The following PLCL1 variants were observed in gnomAD, a reference collection of about 807,000 sequenced individuals.
PLCL1 encodes the protein phospholipase C like 1 (inactive), also known as inactive phospholipase C-like protein 1.
A neutral mutation model predicts 84.4 loss-of-function variants in PLCL1; 41 were observed. The ratio of observed to expected loss-of-function variants is 0.49; its 90% confidence interval spans 0.38 to 0.63. PLCL1 has a LOEUF of 0.63. PLCL1 is among the 30% of genes least tolerant of loss of function. The pLI, the probability that PLCL1 is intolerant of heterozygous loss-of-function variation, is 0.00. For synonymous variants in PLCL1, 490 were observed against 488.3 expected (o/e 1.00, Z -0.05); for missense variants, 1,206 against 1,367.8 (o/e 0.88, Z 1.87).
At chr2:197,961,658 A>T (rs1171712897) in intron 1 of PLCL1, among the ~76,000 whole-genome samples, 2 of 151,892 alleles carry the variant, frequency 1.3e-5, no homozygotes, top group African/African-American at 4.8e-5. Context: ...TTTGGCTCAG[A>T]CAAAATAAGC....
chr2:198,006,639 A>G (rs1291081822), intron 1 of PLCL1, among the ~76,000 whole-genome samples: 10 of 152,194 alleles, frequency 6.6e-5, no homozygotes, highest in Admixed American at 6.5e-4. Context: ...GTGGGTGTAC[A>G]TAATGTGATG....
rs535275880 is a variant in PLCL1 at position 198,033,074 on chromosome 2, T to C, written c.241-50684T>C. 1.3e-4 allele frequency among the ~76,000 whole-genome samples: 20 copies of C among 152,270 alleles called. No individual in the cohort carries two copies. In the South Asian group the frequency reaches 2.7e-3, roughly 21 times the overall value. ...CTCAGCTTCTGAATGAAGTTGAAAA[T>C]GTGTTTTATTGTAGAACAGGTAAAA... is the stretch of plus-strand genomic sequence containing the variant. On this transcript the variant is annotated intron_variant, in intron 1 of 5. Coordinates refer to ENST00000428675, the MANE Select transcript of PLCL1 (RefSeq NM_006226.4).
At chr2:198,028,659 T>C (rs1215910711) in intron 1 of PLCL1, among the ~76,000 whole-genome samples, 1 of 152,186 alleles carries the variant, frequency 6.6e-6, no homozygotes, top group Admixed American at 6.5e-5. Context: ...ACAAACCGTC[T>C]CTACATCACA....
At chr2:197,954,062 ACATAATACTGGGACTGACATCCTAT>A (rs1193453489) in intron 1 of PLCL1, among the ~76,000 whole-genome samples, 1 of 152,124 alleles carries the variant, frequency 6.6e-6, no homozygotes, top group African/African-American at 2.4e-5. Context: ...GTGACTGACT[ACATAATACTGGGACTGACATCCTAT>A]CATTTGGATA....
At position 198,086,014 on chromosome 2, in the gene PLCL1, G is replaced by C; in HGVS notation, c.2497G>C (p.Gly833Arg). Reference protein sequence around the residue: ...YRHVPLRSFVGDIMEHVTLFV... With the variant: ...YRHVPLRSFVRDIMEHVTLFV... The stretch of plus-strand genomic sequence containing the variant: ...GCATGTTCCCCTGCGTTCTTTTGTG[G>C]GTGACATCATGGAGCACGTAACCCT... The change falls in exon 2 of 6, where the codon GGT (glycine) becomes CGT (arginine). Residue 833 changes from glycine (G) to arginine (R), a missense_variant. Coordinates refer to ENST00000428675, the MANE Select transcript of PLCL1 (RefSeq NM_006226.4). 1 of 1,614,002 alleles carries C rather than the reference G, an allele frequency of 6.2e-7. No individual in the cohort carries two copies. The highest frequency in any genetic ancestry group is 8.5e-7 in the Non-Finnish European group (1 of 1,179,970).
chr2:197,856,618 A>G, intron 1 of PLCL1, among the ~76,000 whole-genome samples: 1 of 152,166 alleles, frequency 6.6e-6, no homozygotes, highest in Non-Finnish European at 1.5e-5. Context: ...ATTTTATTAA[A>G]TTTCAACCTG....
chr2:198,123,112 T>A (rs1693907533), intron 5 of PLCL1, among the ~76,000 whole-genome samples: 1 of 152,074 alleles, frequency 6.6e-6, no homozygotes, highest in African/African-American at 2.4e-5. Flanking sequence ...CACTTCATAA[T>A]AACAATTAAA....
intron 1 of PLCL1, among the ~76,000 whole-genome samples, chr2:197,923,060 G>T (rs1415838061): frequency 1.5e-5 from 2 of 133,580 alleles, no homozygotes; most frequent in East Asian, 5.0e-4. Flanking sequence ...CCCAGACGGG[G>T]CGGCTGGCCG....
intron 1 of PLCL1, among the ~76,000 whole-genome samples, chr2:197,957,146 A>AT (rs1559055944): frequency 1.3e-5 from 2 of 151,662 alleles, no homozygotes; most frequent in African/African-American, 2.4e-5. Context: ...AATTCCATAC[A>AT]TTTTTTTCCA....
intron 5 of PLCL1, among the ~76,000 whole-genome samples, chr2:198,136,261 TA>T (rs1176425322): frequency 1.3e-5 from 2 of 152,156 alleles, no homozygotes; most frequent in African/African-American, 4.8e-5. Flanking sequence ...GGCATTGTTC[TA>T]AAGAATTTAG....
At chr2:197,864,797 T>G (rs1328819046) in intron 1 of PLCL1, among the ~76,000 whole-genome samples, 3 of 152,168 alleles carry the variant, frequency 2.0e-5, no homozygotes, top group African/African-American at 7.2e-5. Flanking sequence ...AAAAAAATCT[T>G]ATTTCAACCG....
chr2:197,944,011 C>A (rs1035131610), intron 1 of PLCL1, among the ~76,000 whole-genome samples: 6 of 152,152 alleles, frequency 3.9e-5, no homozygotes, highest in African/African-American at 9.7e-5. Flanking sequence ...TTCCTAAATC[C>A]ATTTTCTCTT....
At chr2:198,120,271 A>C (rs1261058723) in intron 5 of PLCL1, among the ~76,000 whole-genome samples, 2 of 152,060 alleles carry the variant, frequency 1.3e-5, no homozygotes, top group Non-Finnish European at 2.9e-5. Flanking sequence ...TAATCACATC[A>C]TGGAAAATTG....
intron 3 of PLCL1, among the ~76,000 whole-genome samples, chr2:198,089,277 A>G (rs1692962072): frequency 6.6e-6 from 1 of 152,182 alleles, no homozygotes; most frequent in Non-Finnish European, 1.5e-5. Flanking sequence ...ACAGGTTATA[A>G]GTGGAAAACT....
intron 1 of PLCL1, among the ~76,000 whole-genome samples, chr2:197,812,623 A>G (rs890662052): frequency 2.6e-5 from 4 of 152,238 alleles, no homozygotes; most frequent in Admixed American, 1.3e-4. Flanking sequence ...CTAAGTATGT[A>G]CTAAACACAG....
intron 1 of PLCL1, chr2:198,002,112 C>T (rs1574237735): frequency 4.4e-6 from 1 of 225,970 alleles, no homozygotes; most frequent in East Asian, 1.1e-4. Flanking sequence ...CCATCTCCAC[C>T]CCCTGGTCCA....
At chr2:197,868,354 A>G (rs1687586251) in intron 1 of PLCL1, among the ~76,000 whole-genome samples, 1 of 152,216 alleles carries the variant, frequency 6.6e-6, no homozygotes, top group South Asian at 2.1e-4. Context: ...GAAACTAGGC[A>G]AGAAACAGGT....
rs764940656 is a variant in PLCL1, at chr2:198,085,025, T to C, written c.1508T>C (p.Met503Thr). Residue 503 changes from methionine to threonine, a missense_variant, in exon 2 of 6, where the codon ATG (methionine) becomes ACG (threonine). Met to Thr is a moderately conservative substitution (Grantham distance 81). Coordinates refer to ENST00000428675, the MANE Select transcript of PLCL1 (RefSeq NM_006226.4). The surrounding 1 kb of genome is among the most constrained non-coding windows in gnomAD (Gnocchi z 5.3). ...NHCSLPQQKVMAQQMKKVFGN... is the reference protein window; with the variant it reads ...NHCSLPQQKVTAQQMKKVFGN... ...TGCTCCTTGCCGCAGCAGAAGGTAA[T>C]GGCTCAACAGATGAAAAAGGTCTTT... 6.2e-7 allele frequency: 1 copy of C among 1,614,062 alleles called. No individual in the cohort carries two copies. Among genetic ancestry groups the C allele is most frequent in the Admixed American group, 1.7e-5 (1 of 60,000 alleles).
At chr2:198,108,061 A>G (rs543698258) in intron 5 of PLCL1, among the ~76,000 whole-genome samples, 2 of 152,008 alleles carry the variant, frequency 1.3e-5, no homozygotes, top group South Asian at 4.1e-4. Flanking sequence ...CTTTTTCTAT[A>G]CGATTCTTCC....
Sources: allele counts gnomAD v4.1 joint callset (sites outside exome capture counted in the v4.1 genomes callset), GRCh38; gene constraint gnomAD v4.1.1; non-coding constraint Gnocchi (gnomAD v3.1); transcripts MANE v1.5; gene names NCBI Gene and HGNC (gene_info 2026-07-23, HGNC 2026-07-21).